The following PTPRS variants were observed in gnomAD, a reference collection of about 807,000 sequenced individuals.
PTPRS encodes the protein receptor-type tyrosine-protein phosphatase S.
PTPRS carries 63 observed loss-of-function variants against 215.3 expected under a neutral mutation model. That is an observed-to-expected ratio of 0.29 (90% CI 0.24 to 0.36). The LOEUF is 0.36. Ranked by LOEUF, PTPRS falls within the 10% of genes least tolerant of loss-of-function variation. The pLI is 1.00. For missense variants in PTPRS, 2,258 were observed against 2,825.8 expected, an observed-to-expected ratio of 0.80 and a Z score of 4.56; for synonymous variants, 1,404 against 1,191.4, an observed-to-expected ratio of 1.18 and a Z score of -3.68.
chr19:5,219,283 T>G (rs2041764755), intron 23 of PTPRS, 27 bp downstream of exon 23: 2 of 1,613,272 alleles, frequency 1.2e-6, no homozygotes, highest in African/African-American at 2.7e-5. Context: ...TGCTGTCAAG[T>G]CAAGTCGGGG....
In PTPRS at chr19:5,216,744, T is replaced by C. The variant is rs865957699; in HGVS notation, c.4072A>G (p.Arg1358Gly). 6.3e-7 allele frequency: 1 copy of C among 1,578,370 alleles called. No homozygotes were observed. Reference sequence around the variant, plus strand: ...CTTTCAAAGTGAAACCCCGGCTCCCTGAGGGGGCTCCTGAGGCCTGAATCT... The same window carrying C: ...CTTTCAAAGTGAAACCCCGGCTCCCCGAGGGGGCTCCTGAGGCCTGAATCT... ...TPDSGLRSPL[R>G]EPGFHFESML... Residue 1358 changes from arginine to glycine, a missense_variant, in exon 26 of 38, where the codon AGG (arginine) becomes GGG (glycine). This residue lies in a region of PTPRS where 927 missense variants were observed against 1,125.9 expected (regional missense o/e 0.82). Transcript: ENST00000262963.
At chr19:5,209,435 G>A (rs973050610) in intron 35 of PTPRS, among the ~76,000 whole-genome samples, 2 of 151,850 alleles carry the variant, frequency 1.3e-5, no homozygotes, top group African/African-American at 4.8e-5. Context: ...CATCAAAATG[G>A]TGCCATCCAA....
intron 1 of PTPRS, among the ~76,000 whole-genome samples, chr19:5,297,791 CTT>C (rs373472522): frequency 8.4e-5 from 11 of 131,380 alleles, no homozygotes; most frequent in East Asian, 4.3e-4. Flanking sequence ...CTTTTCTTTT[CTT>C]TTTTTTTTTT....
At chr19:5,326,800 AGGG>A (rs2050180485) in intron 1 of PTPRS, among the ~76,000 whole-genome samples, 1 of 146,182 alleles carries the variant, frequency 6.8e-6, no homozygotes, top group South Asian at 2.4e-4. Flanking sequence ...GGAGGGAGGG[AGGG>A]AGGGAGGATA....
intron 4 of PTPRS, 62 bp from the exon 5 acceptor site, chr19:5,265,258 C>T (rs2046317825): frequency 8.0e-6 from 12 of 1,498,932 alleles, no homozygotes; most frequent in African/African-American, 5.6e-5. Context: ...CACTCCTGAG[C>T]CTGGGGCTCA....
intron 4 of PTPRS, among the ~76,000 whole-genome samples, chr19:5,270,140 C>T (rs1229635803): frequency 2.0e-5 from 3 of 152,168 alleles, no homozygotes; most frequent in African/African-American, 2.4e-5. Flanking sequence ...GGGCGGGCCA[C>T]GGTGGGCCTG....
rs534822117 is a variant in PTPRS, at chr19:5,308,070, G to A, written c.-94-21836C>T. Among the ~76,000 whole-genome samples the A allele has an allele frequency of 2.5e-4, 38 of 152,294 alleles. No homozygotes were observed. The South Asian group carries it at 4.1e-3, about 17-fold the overall frequency. On this transcript the variant is annotated intron_variant, in intron 1 of 37. Transcript: ENST00000262963. ...AAAGAGAGAGGGGAGAGGATCTGGA[G>A]ATTCTCCACCATGCATTTTTCTCTG...
chr19:5,244,087 C>G lies in PTPRS; in HGVS notation c.1384G>C (p.Val462Leu). 6.2e-7 allele frequency: 1 copy of G among 1,609,796 alleles called. No individual in the cohort carries two copies. The highest frequency in any genetic ancestry group is 8.5e-7 in the Non-Finnish European group (1 of 1,179,476). ...TGCTCCGGTTCCATGGTGTAGTAGA[C>G]GCGGTAGCCGCGGATCAGGCCGTTG... Reference protein sequence around the residue: ...EPNGLIRGYRVYYTMEPEHPV... With the variant: ...EPNGLIRGYRLYYTMEPEHPV... The change falls in exon 11 of 38, where the codon GTC (valine) becomes CTC (leucine). Residue 462 changes from valine (V) to leucine (L), a missense_variant. Around this residue, in one of 6 missense-constraint regions of PTPRS, gnomAD observed 508 missense variants for 799.4 expected, o/e 0.64. Transcript: ENST00000262963. The surrounding 1 kb of genome is among the most constrained non-coding windows in gnomAD (Gnocchi z 7.2).
intron 13 of PTPRS, among the ~76,000 whole-genome samples, chr19:5,233,807 A>G (rs2043203563): frequency 6.6e-6 from 1 of 151,492 alleles, no homozygotes; most frequent in Admixed American, 6.6e-5. Context: ...CTAGCCGGGC[A>G]TGGTGGCGGG....
In PTPRS at chr19:5,339,967, A is replaced by G. The variant is rs2250985; in HGVS notation, c.-95+697T>C. Among the ~76,000 whole-genome samples, 113,439 of 151,678 alleles carry G rather than the reference A, an allele frequency of 0.75. 42,837 individuals are homozygous for G. Among genetic ancestry groups the G allele is most frequent in the African/African-American group, 0.83 (34,409 of 41,466 alleles). ...GTGGGGAGGCTGGAAGGGGGCGCCGAGGCCGCAGAAGGGTGGGGCAATGCC... is the reference window on the plus strand; with the variant it reads ...GTGGGGAGGCTGGAAGGGGGCGCCGGGGCCGCAGAAGGGTGGGGCAATGCC... On this transcript the variant is annotated intron_variant, in intron 1 of 37. Transcript: ENST00000262963. The surrounding 1 kb of genome is among the most constrained non-coding windows in gnomAD (Gnocchi z 4.2).
chr19:5,290,753 T>G lies in PTPRS; in HGVS notation c.-94-4519A>C, dbSNP rs543030352. Among the ~76,000 whole-genome samples, 8 of 152,028 alleles carry G rather than the reference T, an allele frequency of 5.3e-5. No homozygotes were observed. In the East Asian group the frequency reaches 1.6e-3, roughly 30 times the overall value. On this transcript the variant is annotated intron_variant, in intron 1 of 37. Coordinates refer to ENST00000262963, the MANE Select transcript of PTPRS (RefSeq NM_002850.4). Reference sequence around the variant, plus strand: ...AAGCTGAGGCTGATTATGCCAGCAGTGGGACTCAGGGGAAAGACCCCTGAC... The same window carrying G: ...AAGCTGAGGCTGATTATGCCAGCAGGGGGACTCAGGGGAAAGACCCCTGAC...
At chr19:5,340,356 C>T (rs1252148812) in intron 1 of PTPRS, among the ~76,000 whole-genome samples, 1 of 151,338 alleles carries the variant, frequency 6.6e-6, no homozygotes. Flanking sequence ...TCCAATGCCG[C>T]GCTCTGGGCG....
At chr19:5,262,999 A>G (rs1176701322) in intron 5 of PTPRS, 27 bp from the exon 6 acceptor site, 1 of 1,571,528 alleles carries the variant, frequency 6.4e-7, no homozygotes, top group African/African-American at 1.4e-5. Context: ...GGAGGATAAG[A>G]AAAGAGAACA....
At chr19:5,222,255 A>G in intron 18 of PTPRS, 35 bp from the exon 19 acceptor site, 2 of 1,563,456 alleles carry the variant, frequency 1.3e-6, no homozygotes, top group Non-Finnish European at 1.8e-6. Flanking sequence ...GAGAGAGCAG[A>G]AGAGAGGCCC....
intron 13 of PTPRS, among the ~76,000 whole-genome samples, chr19:5,238,162 T>G (rs1308479042): frequency 6.6e-6 from 1 of 151,818 alleles, no homozygotes; most frequent in Non-Finnish European, 1.5e-5. Context: ...GGGAGGCAGG[T>G]GAGGTGGGGA....
chr19:5,219,506 C>T (rs1454819940), intron 22 of PTPRS, 39 bp from the exon 23 acceptor site: 1 of 1,521,918 alleles, frequency 6.6e-7, no homozygotes, highest in African/African-American at 1.4e-5. Context: ...AGTGTCCACC[C>T]TCCTTGTAGT....
At chr19:5,305,765 A>ATATATATAT (rs1491188046) in intron 1 of PTPRS, among the ~76,000 whole-genome samples, 2 of 93,440 alleles carry the variant, frequency 2.1e-5, no homozygotes, top group South Asian at 7.0e-4. Flanking sequence ...ATATATATAT[A>ATATATATAT]TTTTTTTTTT....
chr19:5,276,655 C>T (rs929553177), intron 2 of PTPRS, among the ~76,000 whole-genome samples: 1 of 152,072 alleles, frequency 6.6e-6, no homozygotes, highest in East Asian at 1.9e-4. Context: ...ATTCTCCTTC[C>T]TCAGCCTCCC....
intron 1 of PTPRS, 124 bp from the exon 2 acceptor site, chr19:5,286,358 G>A: frequency 1.7e-6 from 1 of 574,814 alleles, no homozygotes; most frequent in Non-Finnish European, 3.1e-6. Flanking sequence ...ATGGGACAAT[G>A]GGGAAGGATC....
Sources: allele counts gnomAD v4.1 joint callset (sites outside exome capture counted in the v4.1 genomes callset), GRCh38; gene constraint gnomAD v4.1.1; regional missense constraint gnomAD v4.1.1; non-coding constraint Gnocchi (gnomAD v3.1); transcripts MANE v1.5; gene names NCBI Gene and HGNC (gene_info 2026-07-23, HGNC 2026-07-21).